Variants in CEP350 observed in about 807,000 individuals in gnomAD.
The protein encoded by CEP350 is centrosomal protein 350.
A neutral mutation model predicts 331.8 loss-of-function variants in CEP350; 126 were observed. That is an observed-to-expected ratio of 0.38 (90% CI 0.33 to 0.44). CEP350 has a LOEUF of 0.44. Ranked by LOEUF, CEP350 falls within the 20% of genes least tolerant of loss-of-function variation. CEP350 has a pLI of 1.00. For synonymous variants in CEP350, 1,200 were observed against 1,259.5 expected (o/e 0.95, Z 1.00); for missense variants, 3,406 against 3,634.6 (o/e 0.94, Z 1.62).
chr1:180,013,520 A>T (rs1310587940), intron 9 of CEP350, among the ~76,000 whole-genome samples: 1 of 152,180 alleles, frequency 6.6e-6, no homozygotes, highest in Non-Finnish European at 1.5e-5. Context: ...GAGAAATAGT[A>T]ACACTAAATA....
At chr1:180,077,671 T>TAAAAAAAAAA (rs3067269) in intron 28 of CEP350, among the ~76,000 whole-genome samples, 18 of 97,206 alleles carry the variant, frequency 1.9e-4, no homozygotes, top group Non-Finnish European at 2.0e-4. Context: ...TCTCAAAAAG[T>TAAAAAAAAAA]AAAAAAAAAA....
At chr1:180,075,332 A>G (rs1659148314) in intron 28 of CEP350, 111 bp downstream of exon 28, 1 of 1,130,002 alleles carries the variant, frequency 8.8e-7, no homozygotes, top group Non-Finnish European at 1.2e-6. Context: ...CACGCCTGTA[A>G]TCCTAACACT....
intron 2 of CEP350, 69 bp downstream of exon 2, chr1:179,986,323 A>G (rs1296026936): frequency 1.9e-6 from 2 of 1,027,814 alleles, no homozygotes; most frequent in African/African-American, 3.2e-5. Context: ...TTTTGGTCTA[A>G]TAAATGAAAA....
At position 180,036,969 on chromosome 1, in the gene CEP350, A is replaced by G; in HGVS notation, c.3990A>G (p.Ala1330=). The G allele has an allele frequency of 6.3e-7, 1 of 1,593,246 alleles. No individual in the cohort carries two copies. Among genetic ancestry groups the G allele is most frequent in the Non-Finnish European group, 8.5e-7 (1 of 1,169,942 alleles). The change falls in exon 17 of 38, where the codon GCA becomes GCG. Residue 1330 remains alanine (A), a synonymous_variant. Coordinates refer to ENST00000367607, the MANE Select transcript of CEP350 (RefSeq NM_014810.5). ...CTGCTGGCCTCCATCATCGTATGGC[A>G]GCAGAACTCAGTTATCTGAACGCCA... ...FSPAGLHHRM[A]AELSYLNAIE...
chr1:179,954,978 A>G lies in CEP350; in HGVS notation c.-178A>G. 1 of 1,218,620 alleles carries G rather than the reference A, an allele frequency of 8.2e-7. No homozygotes were observed. The highest frequency in any genetic ancestry group is 1.1e-6 in the Non-Finnish European group (1 of 948,870). 75.5% of individuals were successfully genotyped at this position (1,218,620 alleles called of 1,614,324 possible). On this transcript the variant is annotated 5_prime_UTR_variant, in exon 1 of 38. Coordinates refer to ENST00000367607, the MANE Select transcript of CEP350 (RefSeq NM_014810.5). ...TCCGCCTTGTCTTCCTTCCCAGCGG[A>G]CCGGCGGATCCCCGGAGCCGGTGCG...
At chr1:180,027,938 C>G (rs79352565) in intron 14 of CEP350, among the ~76,000 whole-genome samples, 1 of 151,984 alleles carries the variant, frequency 6.6e-6, no homozygotes, top group African/African-American at 2.4e-5. Context: ...CCAGTTTATA[C>G]GTCCAATGAG....
intron 17 of CEP350, among the ~76,000 whole-genome samples, chr1:180,039,283 G>GGCGA (rs1553258174): frequency 8.2e-6 from 1 of 121,506 alleles, no homozygotes; most frequent in Non-Finnish European, 1.7e-5. Context: ...AGGGAGGGAG[G>GGCGA]GAGGGAGGGG....
At chr1:180,006,386 A>G (rs1344919344) in intron 7 of CEP350, 68 bp from the exon 8 acceptor site, 3 of 816,274 alleles carry the variant, frequency 3.7e-6, no homozygotes, top group Admixed American at 2.1e-5. Context: ...GATTTTTCCT[A>G]TGGGCGGAGG....
At chr1:179,961,869 A>C (rs536414356) in intron 1 of CEP350, among the ~76,000 whole-genome samples, 1 of 151,786 alleles carries the variant, frequency 6.6e-6, no homozygotes, top group Admixed American at 6.6e-5. Flanking sequence ...TTTTTTTTTG[A>C]GATGGAGTCT....
At chr1:179,990,183 CA>C (rs564803650) in intron 3 of CEP350, among the ~76,000 whole-genome samples, 71 of 134,652 alleles carry the variant, frequency 5.3e-4, no homozygotes, top group East Asian at 8.4e-4. Flanking sequence ...GAGACCGTCT[CA>C]AAAAAAAAAA....
At chr1:180,071,166 A>T (rs1658861653) in intron 27 of CEP350, among the ~76,000 whole-genome samples, 1 of 150,528 alleles carries the variant, frequency 6.6e-6, no homozygotes, top group Admixed American at 6.6e-5. Flanking sequence ...AAAAAAAAAA[A>T]AGTGAATAAA....
rs1661465440 is a variant in CEP350 at position 180,111,505 on chromosome 1, TGA to T, written c.*350_*351del. The T allele has an allele frequency of 5.1e-6, 1 of 195,100 alleles. No individual in the cohort carries two copies. Among genetic ancestry groups the T allele is most frequent in the Non-Finnish European group, 1.1e-5 (1 of 94,776 alleles). 12.1% of individuals were successfully genotyped at this position (195,100 alleles called of 1,614,324 possible). A position where few individuals can be genotyped will look rare whatever the true frequency, so the allele number is the denominator to read the frequency against. Reference sequence around the variant, plus strand: ...TCACTTCTTTGAGTCTGAAGTCAAGTGAGAGAGGTATAGATAAATGCATCACA... The same window carrying T: ...TCACTTCTTTGAGTCTGAAGTCAAGTGAGAGGTATAGATAAATGCATCACA... On this transcript the variant is annotated 3_prime_UTR_variant, in exon 38 of 38. Coordinates refer to ENST00000367607, the MANE Select transcript of CEP350 (RefSeq NM_014810.5).
chr1:179,996,778 A>G lies in CEP350; in HGVS notation c.621A>G (p.Gln207=), dbSNP rs762297265. ...ATCGACCAGCAATTGATGCATTGCA[A>G]AATTCTGAATGTTTGATTAGGATGG... ...LNDRPAIDAL[Q]NSECLIRMGA... The change falls in exon 6 of 38, where the codon CAA becomes CAG. Residue 207 remains glutamine (Q), a synonymous_variant. Transcript: ENST00000367607. 1.7e-5 allele frequency: 28 copies of G among 1,613,556 alleles called. No individual in the cohort carries two copies. The highest frequency in any genetic ancestry group is 1.6e-4 in the Middle Eastern group (1 of 6,084).
In CEP350 at chr1:180,041,686, G is replaced by A. The variant is rs1402255273; in HGVS notation, c.4246G>A (p.Val1416Met). 28 of 1,613,562 alleles carry A rather than the reference G, an allele frequency of 1.7e-5. No individual in the cohort carries two copies. Among genetic ancestry groups the A allele is most frequent in the Non-Finnish European group, 2.3e-5 (27 of 1,179,756 alleles). The part of the protein sequence containing the change: ...AQVHAESLQQ[V>M]VQSQREVTEV... ...GGTCCATGCAGAATCATTACAGCAG[G>A]TGGTTCAATCACAACGGGAAGTAAC... The change falls in exon 19 of 38, where the codon GTG (valine) becomes ATG (methionine). Residue 1416 changes from valine to methionine, a missense_variant. This residue lies in a region of CEP350 where 1,857 missense variants were observed against 1,909.2 expected (regional missense o/e 0.97). Transcript: ENST00000367607.
intron 11 of CEP350, 61 bp downstream of exon 11, chr1:180,016,031 T>C: frequency 6.3e-7 from 1 of 1,586,054 alleles, no homozygotes. Context: ...CGGAGTGGTC[T>C]ATGTTCAGAG....
intron 16 of CEP350, 73 bp downstream of exon 16, chr1:180,034,155 TG>T: frequency 1.4e-6 from 2 of 1,458,120 alleles, no homozygotes; most frequent in Non-Finnish European, 1.9e-6. Flanking sequence ...TCCTTTTCTT[TG>T]TTTGAGTTGA....
intron 27 of CEP350, among the ~76,000 whole-genome samples, chr1:180,068,308 A>G (rs1658669887): frequency 6.6e-6 from 1 of 152,158 alleles, no homozygotes; most frequent in South Asian, 2.1e-4. Flanking sequence ...TTTGTTGAGT[A>G]GACATTTTAT....
At chr1:180,072,706 A>G (rs1658973644) in intron 27 of CEP350, among the ~76,000 whole-genome samples, 1 of 152,164 alleles carries the variant, frequency 6.6e-6, no homozygotes, top group South Asian at 2.1e-4. Context: ...ATATGTGAGG[A>G]AACAGACATT....
At position 180,015,734 on chromosome 1, in the gene CEP350, A is replaced by C. The variant is rs75157551; in HGVS notation, c.2053-115A>C. 2.4e-4 allele frequency: 298 copies of C among 1,242,380 alleles called. 2 individuals carry two copies. The highest frequency in any genetic ancestry group is 1.0e-3 in the South Asian group (56 of 55,028). The allele number at this position is 1,242,380 out of a possible 1,614,324, so 77.0% of individuals were successfully genotyped here. On this transcript the variant is annotated intron_variant, in intron 10 of 37. Transcript: ENST00000367607. ...AATTGGTTTTGTTTGACAAAAAAAA[A>C]CCACTACATTTTATGATCTTTGTAG...
Sources: gnomAD v4.1 joint callset for allele counts (sites outside exome capture counted in the v4.1 genomes callset) on GRCh38, gnomAD v4.1.1 for gene constraint, gnomAD v4.1.1 regional missense constraint, MANE v1.5 for transcripts, NCBI Gene and HGNC (gene_info 2026-07-23, HGNC 2026-07-21) for gene names.